Variants in PIWIL2 observed in about 807,000 individuals in gnomAD.
PIWIL2 encodes the protein piwi like RNA-mediated gene silencing 2.
In PIWIL2, 81 loss-of-function variants were observed where a neutral mutation model predicts 116.5. The ratio of observed to expected loss-of-function variants is 0.70; its 90% CI spans 0.58 to 0.84. The LOEUF (loss-of-function observed/expected upper bound fraction) is 0.84. Among genes scored for constraint, PIWIL2 ranks in the 40% least tolerant of loss-of-function variants. The pLI is 0.00. For synonymous variants in PIWIL2, 489 were observed against 429.5 expected, an observed-to-expected ratio of 1.14 and a Z score of -1.71; for missense variants, 1,272 against 1,212.3, an observed-to-expected ratio of 1.05 and a Z score of -0.73.
intron 5 of PIWIL2, among the ~76,000 whole-genome samples, 190 bp downstream of exon 5, chr8:22,283,430 A>G (rs908964777): frequency 6.6e-6 from 1 of 152,162 alleles, no homozygotes; most frequent in African/African-American, 2.4e-5. Context: ...TCTTTTTGAG[A>G]CGGAGTCTCA....
At chr8:22,309,865 G>C in intron 14 of PIWIL2, 96 bp from the exon 15 acceptor site, 1 of 688,900 alleles carries the variant, frequency 1.5e-6, no homozygotes, top group Admixed American at 2.3e-5. Flanking sequence ...ACAAGTGTCT[G>C]TGGTGGAGCT....
rs950611140 is a variant in PIWIL2, at chr8:22,283,704, C to T, written c.633-458C>T. Among the ~76,000 whole-genome samples the T allele has an allele frequency of 3.3e-5, 5 of 152,262 alleles. No individual in the cohort carries two copies. The South Asian group carries it at 6.2e-4, about 19-fold the overall frequency. The stretch of plus-strand genomic sequence containing the variant: ...GATTACAGGTGTGAGCCACTGTGTC[C>T]GGCCAAGGTGGGACAATTTCTGAAG... On this transcript the variant is annotated intron_variant, in intron 5 of 22. Coordinates refer to ENST00000356766, the MANE Select transcript of PIWIL2 (RefSeq NM_018068.5).
At position 22,283,370 on chromosome 8, in the gene PIWIL2, T is replaced by G. The variant is rs748455589; in HGVS notation, c.632+130T>G. On this transcript the variant is annotated intron_variant, in intron 5 of 22. Coordinates refer to ENST00000356766, the MANE Select transcript of PIWIL2 (RefSeq NM_018068.5). ...GGTAATAATACTGCGGGGTGTTTTG[T>G]TTTTTGCCAGTGGGAGATTGACAAA... 536 of 689,214 alleles carry G rather than the reference T, an allele frequency of 7.8e-4. 1 individual carries two copies. The highest frequency in any genetic ancestry group is 1.2e-3 in the Non-Finnish European group (469 of 399,954). 42.7% of individuals were successfully genotyped at this position (689,214 alleles called of 1,614,324 possible).
chr8:22,300,739 C>G (rs1214176540), intron 10 of PIWIL2, among the ~76,000 whole-genome samples: 3 of 152,114 alleles, frequency 2.0e-5, no homozygotes, highest in African/African-American at 7.2e-5. Flanking sequence ...TTACATTTTC[C>G]TAGTGAATAA....
chr8:22,287,421 C>A, intron 6 of PIWIL2, 107 bp from the exon 7 acceptor site: 1 of 770,296 alleles, frequency 1.3e-6, no homozygotes, highest in Non-Finnish European at 2.4e-6. Context: ...TTAATATGCC[C>A]GCTAGATGGA....
chr8:22,298,242 A>G (rs543262155), intron 10 of PIWIL2, among the ~76,000 whole-genome samples: 251 of 152,190 alleles, frequency 1.6e-3, no homozygotes, highest in Non-Finnish European at 2.4e-3. Context: ...AGCCTGGCCA[A>G]TGGAGTGAGA....
At chr8:22,320,194 C>G (rs1019046520) in intron 20 of PIWIL2, among the ~76,000 whole-genome samples, 1 of 151,504 alleles carries the variant, frequency 6.6e-6, no homozygotes, top group African/African-American at 2.4e-5. Context: ...AACTCCTGAC[C>G]TCATGATCCA....
rs200925322 is a variant in PIWIL2 at position 22,330,745 on chromosome 8, A to T, written c.2403+12470A>T. On this transcript the variant is annotated intron_variant, in intron 20 of 22. Coordinates refer to ENST00000356766, the MANE Select transcript of PIWIL2 (RefSeq NM_018068.5). The stretch of plus-strand genomic sequence containing the variant: ...ATAAATAAATAAATAAATAAATAAA[A>T]ATAGTTGATATAAAGACTGTCTATA... 5.1e-4 allele frequency among the ~76,000 whole-genome samples: 62 copies of T among 122,248 alleles called. 1 individual carries two copies. The highest frequency in any genetic ancestry group is 3.6e-3 in the Admixed American group (45 of 12,440). 80.2% of individuals were successfully genotyped at this position (122,248 alleles called of 152,430 possible). A position where few individuals can be genotyped will look rare whatever the true frequency, so the allele number is the denominator to read the frequency against.
chr8:22,303,301 G>A (rs1435480280), intron 10 of PIWIL2, among the ~76,000 whole-genome samples: 2 of 152,160 alleles, frequency 1.3e-5, no homozygotes, highest in South Asian at 4.1e-4. Flanking sequence ...TGATATTATA[G>A]CAATGGCAGT....
At chr8:22,328,900 T>A (rs2132075975) in intron 20 of PIWIL2, among the ~76,000 whole-genome samples, 1 of 151,728 alleles carries the variant, frequency 6.6e-6, no homozygotes, top group Non-Finnish European at 1.5e-5. Context: ...GAGTCTTCTT[T>A]CTTTTCAGTT....
intron 10 of PIWIL2, among the ~76,000 whole-genome samples, chr8:22,303,144 G>A (rs1416095547): frequency 6.6e-6 from 1 of 152,224 alleles, no homozygotes; most frequent in Admixed American, 6.5e-5. Context: ...ATAAAGGGCA[G>A]CAGGAAATAG....
In PIWIL2 at chr8:22,355,473, A is replaced by G; in HGVS notation, c.2890A>G (p.Ile964Val). The change falls in exon 23 of 23, where the codon ATC becomes GTC. Residue 964 changes from isoleucine to valine, a missense_variant. Physicochemically the swap from Ile to Val is conservative, Grantham distance 29 (BLOSUM62 3). Coordinates refer to ENST00000356766, the MANE Select transcript of PIWIL2 (RefSeq NM_018068.5). ...SGHILHHEPA[I>V]QLCENLFFL ...ACACATCTTGCATCATGAACCAGCC[A>G]TCCAGCTGTGCGAGAACCTGTTCTT... is the stretch of plus-strand genomic sequence containing the variant. 6.2e-7 allele frequency: 1 copy of G among 1,614,192 alleles called. No individual in the cohort carries two copies. The highest frequency in any genetic ancestry group is 8.5e-7 in the Non-Finnish European group (1 of 1,180,030).
intron 10 of PIWIL2, among the ~76,000 whole-genome samples, chr8:22,296,884 A>T (rs954198328): frequency 9.2e-5 from 14 of 152,140 alleles, no homozygotes; most frequent in Non-Finnish European, 1.6e-4. Context: ...TTTAATTTTT[A>T]TCTAAAAATG....
intron 18 of PIWIL2, among the ~76,000 whole-genome samples, chr8:22,315,983 T>G (rs1368387975): frequency 6.6e-6 from 1 of 152,238 alleles, no homozygotes; most frequent in Non-Finnish European, 1.5e-5. Context: ...GCTCAACCTG[T>G]GTTTTCTACA....
In PIWIL2 at chr8:22,284,278, C is replaced by T. The variant is rs764649977; in HGVS notation, c.743+6C>T. ...CAATATCATGTGACTTTCAGGTATT[C>T]ACAGCTTTCCTTTGTATTGTTCACT... is the stretch of plus-strand genomic sequence containing the variant. On this transcript the variant is annotated splice_donor_region_variant and intron_variant, in intron 6 of 22. Transcript: ENST00000356766. The T allele has an allele frequency of 8.5e-6, 12 of 1,413,120 alleles. No individual in the cohort carries two copies. In the Admixed American group the frequency reaches 1.8e-4, roughly 21 times the overall value. The allele number at this position is 1,413,120 out of a possible 1,614,324, so 87.5% of individuals were successfully genotyped here.
At chr8:22,338,777 C>T (rs540584309) in intron 20 of PIWIL2, among the ~76,000 whole-genome samples, 2 of 152,206 alleles carry the variant, frequency 1.3e-5, no homozygotes, top group South Asian at 4.1e-4. Context: ...TTTAACTCTC[C>T]AAATGTGAAT....
chr8:22,296,955 T>G (rs1830921698), intron 10 of PIWIL2, among the ~76,000 whole-genome samples: 1 of 152,152 alleles, frequency 6.6e-6, no homozygotes, highest in South Asian at 2.1e-4. Context: ...TTTCGCCCTT[T>G]GAGAAATATT....
chr8:22,306,000 A>G lies in PIWIL2; in HGVS notation c.1529A>G (p.Asp510Gly). Residue 510 changes from aspartate (D) to glycine (G), a missense_variant, in exon 13 of 23, where the codon GAC (aspartate) becomes GGC (glycine). Transcript: ENST00000356766. The stretch of plus-strand genomic sequence containing the variant: ...GGAATCCCAGAGAAGATGAAGAAGG[A>G]CTTCAGAGCCATGAAGGTTGGAGTC... ...MTGIPEKMKK[D>G]FRAMKDLAQQ... The G allele has an allele frequency of 6.2e-7, 1 of 1,613,388 alleles. No individual in the cohort carries two copies. Among genetic ancestry groups the G allele is most frequent in the Non-Finnish European group, 8.5e-7 (1 of 1,179,340 alleles).
At position 22,356,867 on chromosome 8, in the gene PIWIL2, T is replaced by A. The variant is rs1213081226; in HGVS notation, c.*1362T>A. On this transcript the variant is annotated 3_prime_UTR_variant, in exon 23 of 23. Transcript: ENST00000356766. ...TTTTTTTCTGGTTTTTTTTCCCCCC[T>A]CTCCATTTTAGAATCTTCTCCCAGT... 6.6e-6 allele frequency: 1 copy of A among 152,094 alleles called. No individual in the cohort carries two copies. The highest frequency in any genetic ancestry group is 1.5e-5 in the Non-Finnish European group (1 of 68,010). The allele number at this position is 152,094 out of a possible 1,614,324, so 9.4% of individuals were successfully genotyped here.
Sources: gnomAD v4.1 joint callset for allele counts (sites outside exome capture counted in the v4.1 genomes callset) on GRCh38, gnomAD v4.1.1 for gene constraint, MANE v1.5 for transcripts, NCBI Gene and HGNC (gene_info 2026-07-23, HGNC 2026-07-21) for gene names.